PGK1: variants seen among roughly 807,000 people sequenced by gnomAD.
PGK1 encodes the protein phosphoglycerate kinase 1, also known as PRP 2.
A neutral mutation model predicts 26.9 loss-of-function variants in PGK1; 3 were observed. The ratio of observed to expected loss-of-function variants is 0.11; its 90% CI spans 0.05 to 0.29. The LOEUF is 0.29. PGK1 is among the 10% of genes least tolerant of loss of function. PGK1 has a pLI of 1.00. For synonymous variants in PGK1, 125 were observed against 115.3 expected (o/e 1.08, Z -0.54); for missense variants, 270 against 314.7 (o/e 0.86, Z 1.07).
chrX:78,124,204 C>G (rs1416318593), intron 8 of PGK1, among the ~76,000 whole-genome samples: 3 of 111,550 alleles, frequency 2.7e-5, no homozygotes, highest in Non-Finnish European at 3.8e-5. Flanking sequence ...GCTTATTTTT[C>G]TTTTCAGGCA....
intron 2 of PGK1, among the ~76,000 whole-genome samples, chrX:78,111,567 A>T (rs1392705722): frequency 8.9e-6 from 1 of 112,053 alleles, no homozygotes; most frequent in Non-Finnish European, 1.9e-5. Context: ...TCTCAATTTG[A>T]TCTAGTTATA....
At chrX:78,123,496 G>C in intron 8 of PGK1, 122 bp downstream of exon 8, 1 of 573,346 alleles carries the variant, frequency 1.7e-6, no homozygotes, top group South Asian at 2.5e-5. Flanking sequence ...TGTCAGAGAG[G>C]GCTCTGCATG....
intron 1 of PGK1, chrX:78,106,375 TCTA>T: frequency 2.7e-6 from 2 of 740,198 alleles, no homozygotes; most frequent in Non-Finnish European, 3.2e-6. Context: ...CTGGATACCT[TCTA>T]CTTATTTAGG....
At chrX:78,109,161 G>T (rs995695638) in intron 1 of PGK1, among the ~76,000 whole-genome samples, 2 of 111,054 alleles carry the variant, frequency 1.8e-5, no homozygotes, top group African/African-American at 6.6e-5. Flanking sequence ...CTTCTAATTT[G>T]CCTGTTTGTC....
rs782264439 is a variant in PGK1, at chrX:78,111,803, G to A, written c.116+1886G>A. ...AAACGATTGGAAATATGCCTATCAA[G>A]TTATTTTAAGAGTAAAGAAACATGT... On this transcript the variant is annotated intron_variant, in intron 2 of 10. Transcript: ENST00000373316. Among the ~76,000 whole-genome samples the A allele has an allele frequency of 4.5e-5, 5 of 111,904 alleles. No homozygotes were observed. In the South Asian group the frequency reaches 1.8e-3, roughly 41 times the overall value.
chrX:78,120,597 C>T (rs1265374116), intron 6 of PGK1, among the ~76,000 whole-genome samples: 1 of 109,766 alleles, frequency 9.1e-6, no homozygotes, highest in East Asian at 2.8e-4. Context: ...CAGGCTCAAG[C>T]GATCCTCCCA....
Position 78,117,297 on chromosome X carries a change from T to G in PGK1, c.418-15T>G. ...TTGGAGCCATCACATTTTCTGTTTTTGTTTTTCTCTATAGGTTAAAGCCGA... is the reference window on the plus strand; with the variant it reads ...TTGGAGCCATCACATTTTCTGTTTTGGTTTTTCTCTATAGGTTAAAGCCGA... On this transcript the variant is annotated splice_polypyrimidine_tract_variant and intron_variant, in intron 4 of 10. Coordinates refer to ENST00000373316, the MANE Select transcript of PGK1 (RefSeq NM_000291.4). 8.9e-7 allele frequency: 1 copy of G among 1,126,412 alleles called. No individual in the cohort carries two copies. The highest frequency in any genetic ancestry group is 3.0e-5 in the East Asian group (1 of 33,477). The allele number at this position is 1,126,412 out of a possible 1,213,427, so 92.8% of individuals were successfully genotyped here. A position where few individuals can be genotyped will look rare whatever the true frequency, so the allele number is the denominator to read the frequency against.
chrX:78,124,288 C>G (rs1440244095), intron 8 of PGK1, among the ~76,000 whole-genome samples: 3 of 111,663 alleles, frequency 2.7e-5, no homozygotes, highest in Non-Finnish European at 5.6e-5. Context: ...ATTTTTGGAA[C>G]TTGTTAAAAA....
chrX:78,123,959 T>C (rs2149136595), intron 8 of PGK1, among the ~76,000 whole-genome samples: 1 of 111,765 alleles, frequency 8.9e-6, no homozygotes, highest in East Asian at 2.8e-4. Flanking sequence ...TATTAAGTAC[T>C]TACTGCGTAC....
chrX:78,105,913 A>G (rs1344123536), intron 1 of PGK1, among the ~76,000 whole-genome samples: 1 of 111,965 alleles, frequency 8.9e-6, no homozygotes, highest in Non-Finnish European at 1.9e-5. Context: ...ACAGGTGGAC[A>G]TTGGCATGCA....
intron 1 of PGK1, among the ~76,000 whole-genome samples, chrX:78,105,550 T>G (rs1184680835): frequency 9.0e-6 from 1 of 111,676 alleles, no homozygotes; most frequent in Non-Finnish European, 1.9e-5. Context: ...GTGTTGGATA[T>G]TAACAGACAC....
chrX:78,111,260 A>G (rs182888822), intron 2 of PGK1, among the ~76,000 whole-genome samples: 1 of 109,406 alleles, frequency 9.1e-6, no homozygotes, highest in African/African-American at 3.3e-5. Flanking sequence ...ACTTTTTCAT[A>G]TTTTTTTTGT....
chrX:78,106,668 T>C, intron 1 of PGK1: 1 of 744,664 alleles, frequency 1.3e-6, no homozygotes, highest in Non-Finnish European at 1.6e-6. Context: ...ATTGATTTGT[T>C]GAGGTAACAT....
Position 78,126,565 on chromosome X carries a change from C to T in PGK1, c.*735C>T, listed in dbSNP as rs1370152969. 4.5e-5 allele frequency: 5 copies of T among 111,878 alleles called. No homozygotes were observed. Among genetic ancestry groups the T allele is most frequent in the Non-Finnish European group, 9.4e-5 (5 of 53,169 alleles). 9.2% of individuals were successfully genotyped at this position (111,878 alleles called of 1,213,427 possible). A position where few individuals can be genotyped will look rare whatever the true frequency, so the allele number is the denominator to read the frequency against. The stretch of plus-strand genomic sequence containing the variant: ...CCTCCCATTCAAGATTCCCACTCCC[C>T]AGAGGTGACCACTTTCAACTCTTGA... On this transcript the variant is annotated 3_prime_UTR_variant, in exon 11 of 11. Coordinates refer to ENST00000373316, the MANE Select transcript of PGK1 (RefSeq NM_000291.4).
rs577031908 is a variant in PGK1 at position 78,105,877 on chromosome X, A to G, written c.65+1472A>G. On this transcript the variant is annotated intron_variant, in intron 1 of 10. Transcript: ENST00000373316. ...CTGGCCCTCATACAATCCTAAAAAA[A>G]GGGGATAGACCCTGTAAAAAACAGG... Among the ~76,000 whole-genome samples, 17 of 111,984 alleles carry G rather than the reference A, an allele frequency of 1.5e-4. No homozygotes were observed. In the South Asian group the frequency reaches 5.9e-3, roughly 39 times the overall value.
chrX:78,111,390 T>A (rs1324101591), intron 2 of PGK1, among the ~76,000 whole-genome samples: 1 of 112,625 alleles, frequency 8.9e-6, no homozygotes, highest in African/African-American at 3.2e-5. Context: ...TATTTTAAAT[T>A]TTAAATGAAG....
chrX:78,109,806 G>T (rs1173951865), intron 1 of PGK1, 61 bp from the exon 2 acceptor site: 1 of 756,643 alleles, frequency 1.3e-6, no homozygotes, highest in African/African-American at 2.1e-5. Flanking sequence ...CATTAAAAAT[G>T]CATCTCCTAG....
rs1256459119 is a variant in PGK1, at chrX:78,127,755, A to G, written c.*1925A>G. ...AACAAAACAGAAATTTGAAAGCTCA[A>G]GTTTTTTCTTCATTTGTATTTTAGT... On this transcript the variant is annotated 3_prime_UTR_variant, in exon 11 of 11. Coordinates refer to ENST00000373316, the MANE Select transcript of PGK1 (RefSeq NM_000291.4). 1.8e-5 allele frequency: 2 copies of G among 112,308 alleles called. No individual in the cohort carries two copies. The highest frequency in any genetic ancestry group is 2.8e-4 in the East Asian group (1 of 3,591). The allele number at this position is 112,308 out of a possible 1,213,427, so 9.3% of individuals were successfully genotyped here. A position where few individuals can be genotyped will look rare whatever the true frequency, so the allele number is the denominator to read the frequency against.
chrX:78,113,633 G>A, intron 2 of PGK1, 111 bp from the exon 3 acceptor site: 1 of 695,275 alleles, frequency 1.4e-6, no homozygotes, highest in Non-Finnish European at 2.2e-6. Context: ...TAGATTTGAA[G>A]GAACTTGGAG....
Sources: gnomAD v4.1 joint callset for allele counts (sites outside exome capture counted in the v4.1 genomes callset) on GRCh38, gnomAD v4.1.1 for gene constraint, MANE v1.5 for transcripts, NCBI Gene and HGNC (gene_info 2026-07-23, HGNC 2026-07-21) for gene names.